The following PTGFR variants were observed in gnomAD, a reference collection of about 807,000 sequenced individuals.
The protein encoded by PTGFR is prostaglandin F receptor.
In PTGFR, 15 loss-of-function variants were observed where a neutral mutation model predicts 26.2. The observed-to-expected ratio is 0.57, with a 90% CI of 0.38 to 0.88. The LOEUF is 0.88. Among genes scored for constraint, PTGFR ranks in the 40% least tolerant of loss-of-function variants. The probability of loss-of-function intolerance (pLI) is 0.00; values close to 1 mark genes in which losing one functional copy is unlikely to be tolerated. For synonymous variants in PTGFR, 165 were observed against 151.1 expected (o/e 1.09, Z -0.68); for missense variants, 369 against 427.2 (o/e 0.86, Z 1.20).
intron 2 of PTGFR, among the ~76,000 whole-genome samples, chr1:78,526,327 G>C (rs1190970536): frequency 2.0e-5 from 3 of 152,064 alleles, no homozygotes; most frequent in Admixed American, 6.6e-5. Flanking sequence ...CATTTCTAGA[G>C]ATAGTGTTAA....
At chr1:78,532,140 G>T in intron 2 of PTGFR, 1 of 366,812 alleles carries the variant, frequency 2.7e-6, no homozygotes, top group Non-Finnish European at 5.3e-6. Flanking sequence ...AAAACAAAAT[G>T]CAATAAGAAA....
intron 2 of PTGFR, among the ~76,000 whole-genome samples, chr1:78,526,333 G>A (rs1650372767): frequency 6.6e-6 from 1 of 152,084 alleles, no homozygotes; most frequent in Admixed American, 6.6e-5. Context: ...TAGAGATAGT[G>A]TTAAATGAGA....
At chr1:78,513,058 C>T (rs150621400) in intron 2 of PTGFR, among the ~76,000 whole-genome samples, 1 of 152,262 alleles carries the variant, frequency 6.6e-6, no homozygotes, top group African/African-American at 2.4e-5. Flanking sequence ...TATAAATTTC[C>T]CAGGCTCAGC....
rs140211802 is a variant in PTGFR at position 78,511,581 on chromosome 1, G to A, written c.798+18040G>A. On this transcript the variant is annotated intron_variant, in intron 2 of 2. Transcript: ENST00000370757. Reference sequence around the variant, plus strand: ...TCTGTCCTCCTAGGCCTCTGGGCCTGTGAGGAGAGGGAGCTGCCTCAAAGA... The same window carrying A: ...TCTGTCCTCCTAGGCCTCTGGGCCTATGAGGAGAGGGAGCTGCCTCAAAGA... 8.5e-5 allele frequency among the ~76,000 whole-genome samples: 13 copies of A among 152,318 alleles called. No homozygotes were observed. The East Asian group carries it at 1.9e-3, about 23-fold the overall frequency.
intron 2 of PTGFR, among the ~76,000 whole-genome samples, chr1:78,493,879 A>G (rs1217073215): frequency 6.9e-6 from 1 of 145,812 alleles, no homozygotes; most frequent in Non-Finnish European, 1.6e-5. Context: ...ACATTTGAAC[A>G]GATTGCAGTA....
At chr1:78,525,404 A>G (rs1170405450) in intron 2 of PTGFR, among the ~76,000 whole-genome samples, 1 of 152,004 alleles carries the variant, frequency 6.6e-6, no homozygotes, top group Non-Finnish European at 1.5e-5. Context: ...CAATTTTATT[A>G]TAGAGGATAC....
chr1:78,526,520 C>T (rs1398732124), intron 2 of PTGFR, among the ~76,000 whole-genome samples: 1 of 152,086 alleles, frequency 6.6e-6, no homozygotes, highest in East Asian at 1.9e-4. Flanking sequence ...TGTCCTAAAT[C>T]TTCCTGAACC....
chr1:78,494,600 T>TTTTG (rs145200664), intron 2 of PTGFR, among the ~76,000 whole-genome samples: 4,904 of 152,078 alleles, frequency 0.032, 263 homozygotes, highest in African/African-American at 0.11. Context: ...AGTGCAGGTT[T>TTTTG]TTTGTTTGTT....
At chr1:78,519,367 GATA>G (rs1570287922) in intron 2 of PTGFR, among the ~76,000 whole-genome samples, 1 of 152,138 alleles carries the variant, frequency 6.6e-6, no homozygotes, top group East Asian at 1.9e-4. Context: ...TTAGATAATA[GATA>G]ATAACCTCTG....
At position 78,537,513 on chromosome 1, in the gene PTGFR, C is replaced by T. The variant is rs573029686; in HGVS notation, c.*826C>T. On this transcript the variant is annotated 3_prime_UTR_variant, in exon 3 of 3. Transcript: ENST00000370757. ...TTTCAAAACTCTACCATGGATAATG[C>T]AAACAAACCGAAGCTACATGCCAAT... is the stretch of plus-strand genomic sequence containing the variant. 1 of 152,064 alleles carries T rather than the reference C, an allele frequency of 6.6e-6. No individual in the cohort carries two copies. The highest frequency in any genetic ancestry group is 1.5e-5 in the Non-Finnish European group (1 of 68,012). 9.4% of individuals were successfully genotyped at this position (152,064 alleles called of 1,614,324 possible).
chr1:78,531,176 G>A (rs574665208), intron 2 of PTGFR, among the ~76,000 whole-genome samples: 3 of 152,308 alleles, frequency 2.0e-5, no homozygotes, highest in South Asian at 2.1e-4. Context: ...CTTCTTTAAA[G>A]TTGAATCGAA....
chr1:78,496,312 G>A (rs987586333), intron 2 of PTGFR, among the ~76,000 whole-genome samples: 48 of 151,920 alleles, frequency 3.2e-4, no homozygotes, highest in African/African-American at 9.4e-4. Flanking sequence ...ATTAATTACT[G>A]AGCCATTATT....
intron 2 of PTGFR, among the ~76,000 whole-genome samples, chr1:78,525,388 T>C (rs1650347017): frequency 6.6e-6 from 1 of 151,928 alleles, no homozygotes; most frequent in South Asian, 2.1e-4. Context: ...AAAAGTACTA[T>C]ATTTACAATT....
At position 78,492,738 on chromosome 1, in the gene PTGFR, A is replaced by G; in HGVS notation, c.-6A>G. Reference sequence around the variant, plus strand: ...ACTTGAGTGGTTGGCTTTTATCTCCACAACAATGTCCATGAACAATTCCAA... The same window carrying G: ...ACTTGAGTGGTTGGCTTTTATCTCCGCAACAATGTCCATGAACAATTCCAA... On this transcript the variant is annotated 5_prime_UTR_variant, in exon 2 of 3. Transcript: ENST00000370757. The G allele has an allele frequency of 6.2e-7, 1 of 1,604,160 alleles. No individual in the cohort carries two copies. The highest frequency in any genetic ancestry group is 8.5e-7 in the Non-Finnish European group (1 of 1,174,934).
chr1:78,506,479 C>G (rs1649831364), intron 2 of PTGFR, among the ~76,000 whole-genome samples: 1 of 151,766 alleles, frequency 6.6e-6, no homozygotes, highest in Non-Finnish European at 1.5e-5. Context: ...TTTTCCAGGT[C>G]TAGAATAATT....
intron 2 of PTGFR, among the ~76,000 whole-genome samples, chr1:78,514,154 A>G (rs1650037656): frequency 6.6e-6 from 1 of 152,186 alleles, no homozygotes; most frequent in Non-Finnish European, 1.5e-5. Context: ...GGAGGGGGCC[A>G]CCATCCTCTA....
At chr1:78,520,853 G>C (rs912693770) in intron 2 of PTGFR, among the ~76,000 whole-genome samples, 8 of 151,956 alleles carry the variant, frequency 5.3e-5, no homozygotes, top group African/African-American at 1.7e-4. Flanking sequence ...GCTGTTTTTT[G>C]TTACTTGGGG....
intron 2 of PTGFR, among the ~76,000 whole-genome samples, chr1:78,517,798 A>G (rs543742040): frequency 7.2e-4 from 109 of 152,222 alleles, no homozygotes; most frequent in Non-Finnish European, 1.1e-3. Context: ...GTGTGATCTA[A>G]TGCATGATTT....
chr1:78,509,705 A>T (rs528648762), intron 2 of PTGFR, among the ~76,000 whole-genome samples: 1 of 152,330 alleles, frequency 6.6e-6, no homozygotes, highest in South Asian at 2.1e-4. Flanking sequence ...ATTGCATGCT[A>T]TTGACTTTCT....
Sources: gnomAD v4.1 joint callset for allele counts (sites outside exome capture counted in the v4.1 genomes callset) on GRCh38, gnomAD v4.1.1 for gene constraint, MANE v1.5 for transcripts, NCBI Gene and HGNC (gene_info 2026-07-23, HGNC 2026-07-21) for gene names.